The following PRORP variants were observed in gnomAD, a reference collection of about 807,000 sequenced individuals.
The protein encoded by PRORP is mitochondrial ribonuclease P catalytic subunit.
Under a neutral mutation model 59.4 loss-of-function variants are expected in PRORP, and 51 were observed. The ratio of observed to expected loss-of-function variants is 0.86; its 90% CI spans 0.69 to 1.08. The LOEUF (loss-of-function observed/expected upper bound fraction) is 1.08. Among genes scored for constraint, PRORP ranks in the 50% least tolerant of loss-of-function variants. The pLI, the probability that PRORP is intolerant of heterozygous loss-of-function variation, is 0.00. For missense variants in PRORP, 646 were observed against 690.3 expected, an observed-to-expected ratio of 0.94 and a Z score of 0.72; for synonymous variants, 231 against 245.6, an observed-to-expected ratio of 0.94 and a Z score of 0.55.
rs2051266005 is a variant in PRORP at position 35,274,183 on chromosome 14, T to C, written c.*617T>C. On this transcript the variant is annotated 3_prime_UTR_variant, in exon 8 of 8. Transcript: ENST00000534898. ...TTGGAAATAGAGTCTCAACTTACTC[T>C]GTCGCCAGGGCTGGAGTGCAGTGAC... 1 of 152,182 alleles carries C rather than the reference T, an allele frequency of 6.6e-6. No homozygotes were observed. The allele number at this position is 152,182 out of a possible 1,614,324, so 9.4% of individuals were successfully genotyped here.
intron 6 of PRORP, 66 bp from the exon 7 acceptor site, chr14:35,270,335 G>C: frequency 6.7e-7 from 1 of 1,483,492 alleles, no homozygotes; most frequent in Non-Finnish European, 9.2e-7. Flanking sequence ...AAAAAGTACG[G>C]TGAAAAACAC....
At chr14:35,169,792 C>T (rs2048271078) in intron 4 of PRORP, among the ~76,000 whole-genome samples, 1 of 152,182 alleles carries the variant, frequency 6.6e-6, no homozygotes, top group African/African-American at 2.4e-5. Flanking sequence ...GTAGATGTTC[C>T]ATGTGCACTT....
chr14:35,135,063 G>A (rs965491153), intron 4 of PRORP, among the ~76,000 whole-genome samples: 1 of 152,082 alleles, frequency 6.6e-6, no homozygotes, highest in African/African-American at 2.4e-5. Context: ...GCTATAACAG[G>A]GCAGCACTGA....
In PRORP at chr14:35,123,717, G is replaced by A; in HGVS notation, c.472G>A (p.Ala158Thr). The change falls in exon 2 of 8, where the codon GCT becomes ACT. Residue 158 changes from alanine to threonine, a missense_variant. By Grantham distance (58) the Ala-to-Thr change is moderately conservative (BLOSUM62 0). Coordinates refer to ENST00000534898, the MANE Select transcript of PRORP (RefSeq NM_014672.4). ...TGGCTGTCATAGCTCTATAGATGTGGCTAAATCTCTGCTGGCATGGGTAGC... is the reference window on the plus strand; with the variant it reads ...TGGCTGTCATAGCTCTATAGATGTGACTAAATCTCTGCTGGCATGGGTAGC... Reference protein sequence around the residue: ...MAGCHSSIDVAKSLLAWVAAK... With the variant: ...MAGCHSSIDVTKSLLAWVAAK... The A allele has an allele frequency of 1.2e-6, 2 of 1,614,194 alleles. No individual in the cohort carries two copies. The highest frequency in any genetic ancestry group is 1.6e-4 in the Middle Eastern group (1 of 6,062).
At chr14:35,224,057 G>T (rs905954258) in intron 5 of PRORP, among the ~76,000 whole-genome samples, 2 of 152,084 alleles carry the variant, frequency 1.3e-5, no homozygotes, top group African/African-American at 4.8e-5. Flanking sequence ...TTCCTTAAAG[G>T]CATGGCAGAC....
At chr14:35,226,656 G>C (rs1405624487) in intron 5 of PRORP, among the ~76,000 whole-genome samples, 1 of 152,146 alleles carries the variant, frequency 6.6e-6, no homozygotes, top group East Asian at 1.9e-4. Flanking sequence ...ACTTTACTGT[G>C]ACGAGATTTG....
Position 35,124,211 on chromosome 14 carries a change from T to C in PRORP, c.966T>C (p.Ser322=), listed in dbSNP as rs771229439. ...QLYPGESFAH[S]IKTWFESVPG... ...ATCCAGGGGAGTCATTTGCACACAG[T>C]ATAAAAACATGGTTTGAGAGGTAAT... Residue 322 remains serine (S), a synonymous_variant, in exon 2 of 8, where the codon AGT becomes AGC. Transcript: ENST00000534898. 6.5e-7 allele frequency: 1 copy of C among 1,543,952 alleles called. No homozygotes were observed. The highest frequency in any genetic ancestry group is 2.2e-5 in the Admixed American group (1 of 45,442).
intron 5 of PRORP, among the ~76,000 whole-genome samples, chr14:35,264,153 A>G (rs959452698): frequency 2.0e-5 from 3 of 151,286 alleles, no homozygotes; most frequent in Admixed American, 2.0e-4. Flanking sequence ...TTTGAGATGG[A>G]ATCTTGCTCT....
intron 5 of PRORP, among the ~76,000 whole-genome samples, chr14:35,218,737 G>T (rs888382424): frequency 6.6e-6 from 1 of 151,686 alleles, no homozygotes; most frequent in Non-Finnish European, 1.5e-5. Context: ...TGTTGACCAG[G>T]CTGGTCTTGA....
At position 35,273,599 on chromosome 14, in the gene PRORP, G is replaced by T; in HGVS notation, c.*33G>T. The T allele has an allele frequency of 6.2e-7, 1 of 1,601,300 alleles. No homozygotes were observed. Among genetic ancestry groups the T allele is most frequent in the Non-Finnish European group, 8.5e-7 (1 of 1,174,068 alleles). On this transcript the variant is annotated 3_prime_UTR_variant, in exon 8 of 8. Transcript: ENST00000534898. ...TACCTCTATGCTAAGTTTGTGTTTG[G>T]GTACCCTCTAGGTTGGCATCAGAGG...
intron 5 of PRORP, among the ~76,000 whole-genome samples, chr14:35,215,122 G>T (rs982905093): frequency 6.6e-6 from 1 of 151,794 alleles, no homozygotes; most frequent in South Asian, 2.1e-4. Context: ...CTCTTTTCCT[G>T]TTCAAACCCC....
intron 4 of PRORP, among the ~76,000 whole-genome samples, chr14:35,141,237 CTT>C (rs1311588236): frequency 7.6e-6 from 1 of 131,910 alleles, no homozygotes. Flanking sequence ...CCTTCTTTTT[CTT>C]TTTTTTTTTG....
At chr14:35,235,468 G>A (rs905486024) in intron 5 of PRORP, 1 of 642,324 alleles carries the variant, frequency 1.6e-6, no homozygotes, top group South Asian at 1.5e-5. Flanking sequence ...AGGCAAGCAG[G>A]AAGACAACTA....
intron 5 of PRORP, among the ~76,000 whole-genome samples, chr14:35,189,543 G>A (rs2048830728): frequency 1.3e-5 from 2 of 151,672 alleles, no homozygotes; most frequent in African/African-American, 4.8e-5. Context: ...GAATTATTAG[G>A]TTGATTCAAT....
chr14:35,270,948 G>C (rs527922172), intron 7 of PRORP, among the ~76,000 whole-genome samples: 4 of 151,686 alleles, frequency 2.6e-5, no homozygotes, highest in Admixed American at 2.0e-4. Context: ...TTAGCCAGGC[G>C]TGGTGGCGGG....
chr14:35,255,096 A>G (rs1308177932), intron 5 of PRORP, among the ~76,000 whole-genome samples: 1 of 152,128 alleles, frequency 6.6e-6, no homozygotes, highest in Non-Finnish European at 1.5e-5. Flanking sequence ...TTTGACTGCA[A>G]AGACCTTGAG....
At chr14:35,260,283 A>G (rs899930843) in intron 5 of PRORP, among the ~76,000 whole-genome samples, 1 of 152,194 alleles carries the variant, frequency 6.6e-6, no homozygotes, top group Non-Finnish European at 1.5e-5. Context: ...AAGAAAAAAT[A>G]AAATTAAAAA....
intron 1 of PRORP, 60 bp from the exon 2 acceptor site, chr14:35,122,892 C>T (rs1223008904): frequency 4.8e-6 from 1 of 206,680 alleles, no homozygotes; most frequent in Non-Finnish European, 1.0e-5. Context: ...TGTTCCTTTT[C>T]AGGACAGCTG....
chr14:35,151,167 C>G (rs1374871953), intron 4 of PRORP, among the ~76,000 whole-genome samples: 1 of 152,106 alleles, frequency 6.6e-6, no homozygotes, highest in Non-Finnish European at 1.5e-5. Context: ...CAGAGTGATA[C>G]ACTTTTAGTG....
Sources: gnomAD v4.1 joint callset for allele counts (sites outside exome capture counted in the v4.1 genomes callset) on GRCh38, gnomAD v4.1.1 for gene constraint, MANE v1.5 for transcripts, NCBI Gene and HGNC (gene_info 2026-07-23, HGNC 2026-07-21) for gene names.